Variants in EFCAB5 observed in about 807,000 individuals in gnomAD.
EFCAB5 encodes EF-hand calcium-binding domain-containing protein 5.
A neutral mutation model predicts 167.9 loss-of-function variants in EFCAB5; 131 were observed. That is an observed-to-expected ratio of 0.78 (90% confidence interval 0.68 to 0.90). The LOEUF is 0.90. EFCAB5 is among the 40% of genes least tolerant of loss of function. The probability of loss-of-function intolerance (pLI) is 0.00; values close to 1 mark genes in which losing one functional copy is unlikely to be tolerated. For synonymous variants in EFCAB5, 574 were observed against 602.8 expected, an observed-to-expected ratio of 0.95 and a Z score of 0.70; for missense variants, 1,663 against 1,745.2, an observed-to-expected ratio of 0.95 and a Z score of 0.84.
intron 7 of EFCAB5, among the ~76,000 whole-genome samples, chr17:30,027,277 GC>G (rs1597691960): frequency 7.1e-6 from 1 of 141,126 alleles, no homozygotes; most frequent in East Asian, 2.1e-4. Flanking sequence ...GAGCCACCAT[GC>G]CCAGCCACAC....
intron 4 of EFCAB5, among the ~76,000 whole-genome samples, chr17:29,974,156 T>TAA (rs556600386): frequency 0.015 from 1,810 of 118,646 alleles, 36 homozygotes; most frequent in African/African-American, 0.052. Context: ...AAACTCTATC[T>TAA]AAAAAAAAAA....
chr17:29,964,941 G>A (rs142419564), intron 3 of EFCAB5, among the ~76,000 whole-genome samples: 63 of 150,132 alleles, frequency 4.2e-4, no homozygotes, highest in East Asian at 1.2e-3. Flanking sequence ...TCACTCTGTC[G>A]TCCAGGCTAG....
intron 14 of EFCAB5, chr17:30,068,592 G>A (rs2070642505): frequency 1.6e-6 from 2 of 1,224,340 alleles, no homozygotes; most frequent in Non-Finnish European, 1.1e-6. Context: ...CTGCTGACAT[G>A]GGCAGGTCCC....
intron 1 of EFCAB5, among the ~76,000 whole-genome samples, chr17:29,936,285 A>G (rs1015472572): frequency 6.6e-6 from 1 of 152,090 alleles, no homozygotes; most frequent in Non-Finnish European, 1.5e-5. Flanking sequence ...GAAGGGGAAT[A>G]TCACACACTG....
intron 8 of EFCAB5, among the ~76,000 whole-genome samples, chr17:30,041,958 G>T (rs944510715): frequency 4.6e-5 from 7 of 151,950 alleles, no homozygotes; most frequent in Non-Finnish European, 1.0e-4. Flanking sequence ...ACACTTAAGA[G>T]ACTACAGTTT....
At chr17:29,954,139 A>T (rs2067565644) in intron 3 of EFCAB5, among the ~76,000 whole-genome samples, 3 of 152,228 alleles carry the variant, frequency 2.0e-5, no homozygotes, top group African/African-American at 7.2e-5. Context: ...TATGTGTAGT[A>T]CTATGCAATA....
At chr17:29,998,840 T>A (rs549878457) in intron 6 of EFCAB5, among the ~76,000 whole-genome samples, 2 of 152,284 alleles carry the variant, frequency 1.3e-5, no homozygotes, top group Admixed American at 1.3e-4. Context: ...TCATACAATT[T>A]ATGTATTTTT....
At position 30,056,137 on chromosome 17, in the gene EFCAB5, T is replaced by C. The variant is rs1312083103; in HGVS notation, c.2346T>C (p.Tyr782=). 2.5e-6 allele frequency: 4 copies of C among 1,610,834 alleles called. No homozygotes were observed. Among genetic ancestry groups the C allele is most frequent in the Middle Eastern group, 1.7e-4 (1 of 6,022 alleles). ...FEDEEQANLI[Y]GNSRFTDLHS... The stretch of plus-strand genomic sequence containing the variant: ...ATGAGGAACAGGCAAACTTAATCTA[T>C]GGTAACTCCAGGTTCACAGGTACAT... The change falls in exon 12 of 23, where the codon TAT becomes TAC. Residue 782 remains tyrosine (Y), a synonymous_variant. Coordinates refer to ENST00000394835, the MANE Select transcript of EFCAB5 (RefSeq NM_198529.4).
At position 30,094,113 on chromosome 17, in the gene EFCAB5, C is replaced by T. The variant is rs1447738532; in HGVS notation, c.4321+1177C>T. ...CTGGACTATATAGCATAGCTCCTAA[C>T]CCACCACGCCTTCCAAACTATTATT... On this transcript the variant is annotated intron_variant, in intron 22 of 22. Transcript: ENST00000394835. 2.6e-5 allele frequency among the ~76,000 whole-genome samples: 4 copies of T among 152,142 alleles called. No individual in the cohort carries two copies. The East Asian group carries it at 7.7e-4, about 29-fold the overall frequency.
chr17:29,958,161 A>G (rs1191367001), intron 3 of EFCAB5, among the ~76,000 whole-genome samples: 2 of 152,214 alleles, frequency 1.3e-5, no homozygotes, highest in African/African-American at 4.8e-5. Flanking sequence ...TATTAAGAAA[A>G]AAATATTGTA....
intron 7 of EFCAB5, among the ~76,000 whole-genome samples, chr17:30,025,572 G>A (rs2069296030): frequency 6.6e-6 from 1 of 152,182 alleles, no homozygotes; most frequent in African/African-American, 2.4e-5. Context: ...CTGTTGGTGG[G>A]ACTGTAAACT....
intron 22 of EFCAB5, among the ~76,000 whole-genome samples, chr17:30,094,317 T>C (rs553695422): frequency 3.6e-4 from 54 of 152,086 alleles, no homozygotes; most frequent in African/African-American, 1.2e-3. Context: ...CAAACCTGCA[T>C]GTTGTGCACA....
chr17:30,021,481 AAC>A, intron 7 of EFCAB5, among the ~76,000 whole-genome samples: 1 of 148,516 alleles, frequency 6.7e-6, no homozygotes, highest in East Asian at 1.9e-4. Context: ...TATATAAAAC[AAC>A]ACACAAATGA....
intron 1 of EFCAB5, chr17:29,930,169 TCGC>T (rs1446637455): frequency 1.6e-6 from 1 of 612,536 alleles, no homozygotes; most frequent in Admixed American, 3.3e-5. Context: ...CACCAGACTG[TCGC>T]CGACTGACGC....
At chr17:30,100,655 T>C (rs2071369389) in intron 22 of EFCAB5, among the ~76,000 whole-genome samples, 1 of 152,034 alleles carries the variant, frequency 6.6e-6, no homozygotes, top group South Asian at 2.1e-4. Context: ...TAATCCCAGC[T>C]ACTCAGGAGG....
At chr17:30,007,428 C>T (rs1235529295) in intron 7 of EFCAB5, among the ~76,000 whole-genome samples, 1 of 152,140 alleles carries the variant, frequency 6.6e-6, no homozygotes, top group Non-Finnish European at 1.5e-5. Flanking sequence ...ATTCCAGAGT[C>T]TTATTTTACT....
intron 4 of EFCAB5, among the ~76,000 whole-genome samples, chr17:29,977,372 A>G (rs943756185): frequency 1.8e-4 from 28 of 152,208 alleles, no homozygotes; most frequent in Admixed American, 1.5e-3. Flanking sequence ...AAGCAGTAAA[A>G]AAAGAAAACT....
rs1179270947 is a variant in EFCAB5, at chr17:30,080,236, A to C, written c.3192A>C (p.Gly1064=). 1.3e-6 allele frequency: 2 copies of C among 1,580,892 alleles called. No homozygotes were observed. Among genetic ancestry groups the C allele is most frequent in the Non-Finnish European group, 8.5e-7 (1 of 1,169,638 alleles). Residue 1064 remains glycine (G), a synonymous_variant, in exon 16 of 23, where the codon GGA becomes GGC. Transcript: ENST00000394835. ...GAGTGCTCTACAGGGACATGAAAGG[A>C]ATCAGGTAAGAACTTCTTGAAGAGA... The part of the protein sequence containing the change: ...LNRVLYRDMK[G]ISFTVVDEGK...
At position 29,942,391 on chromosome 17, in the gene EFCAB5, A is replaced by G. The variant is rs2067312202; in HGVS notation, c.105+89A>G. 4 of 1,207,200 alleles carry G rather than the reference A, an allele frequency of 3.3e-6. No homozygotes were observed. In the Admixed American group the frequency reaches 1.3e-4, roughly 38 times the overall value. 74.8% of individuals were successfully genotyped at this position (1,207,200 alleles called of 1,614,324 possible). ...TTATGATAAAAGAAAAGATGTGGGT[A>G]TTCAAAAAGATAACTAAAATTGCAA... On this transcript the variant is annotated intron_variant, in intron 2 of 22. Transcript: ENST00000394835.
Sources: gnomAD v4.1 joint callset for allele counts (sites outside exome capture counted in the v4.1 genomes callset) on GRCh38, gnomAD v4.1.1 for gene constraint, MANE v1.5 for transcripts, NCBI Gene and HGNC (gene_info 2026-07-23, HGNC 2026-07-21) for gene names.